Variants in XXYLT1 observed in about 807,000 individuals in gnomAD.
The protein encoded by XXYLT1 is UDP-xylose:alpha-xyloside alpha-1,3-xylosyltransferase.
A neutral mutation model predicts 28.9 loss-of-function variants in XXYLT1; 20 were observed. That is an observed-to-expected ratio of 0.69 (90% CI 0.49 to 1.00). The LOEUF (loss-of-function observed/expected upper bound fraction) is 1.00, where lower values mean the gene tolerates loss of function less well. Ranked by LOEUF, XXYLT1 falls within the 50% of genes least tolerant of loss-of-function variation. XXYLT1 has a pLI of 0.00. For missense variants in XXYLT1, 542 were observed against 560.1 expected, an observed-to-expected ratio of 0.97 and a Z score of 0.33; for synonymous variants, 257 against 253.8, an observed-to-expected ratio of 1.01 and a Z score of -0.12.
rs924436373 is a variant in XXYLT1, at chr3:195,270,786, G to A, written c.273C>T (p.Gly91=). Residue 91 remains glycine, a synonymous_variant, in exon 1 of 4, where the codon GGC becomes GGT. Transcript: ENST00000310380. ...APGAKAKSLE[G]GGAGPVDYHL... is the part of the protein sequence containing the mutation. ...GGTAGTCCACCGGCCCGGCACCGCC[G>A]CCCTCCAAGCTCTTGGCCTTCGCGC... 5 of 1,566,212 alleles carry A rather than the reference G, an allele frequency of 3.2e-6. No homozygotes were observed. The highest frequency in any genetic ancestry group is 1.4e-5 in the African/African-American group (1 of 70,836).
At position 195,069,371 on chromosome 3, in the gene XXYLT1, G is replaced by A. The variant is rs2108632217; in HGVS notation, c.*344C>T. The A allele has an allele frequency of 7.5e-6, 2 of 264,962 alleles. No homozygotes were observed. Among genetic ancestry groups the A allele is most frequent in the East Asian group, 1.4e-4 (2 of 14,154 alleles). 16.4% of individuals were successfully genotyped at this position (264,962 alleles called of 1,614,324 possible). A position where few individuals can be genotyped will look rare whatever the true frequency, so the allele number is the denominator to read the frequency against. ...TTAAATTTATATTGGTCCAAAAAAG[G>A]CCGGGTCTAAAGGATTTCCATTCCT... On this transcript the variant is annotated 3_prime_UTR_variant, in exon 4 of 4. Coordinates refer to ENST00000310380, the MANE Select transcript of XXYLT1 (RefSeq NM_152531.5).
At chr3:195,080,273 GC>G (rs1420373500) in intron 3 of XXYLT1, among the ~76,000 whole-genome samples, 1 of 152,206 alleles carries the variant, frequency 6.6e-6, no homozygotes, top group Non-Finnish European at 1.5e-5. Flanking sequence ...ACCTGGGGAT[GC>G]CCACAGCCCT....
At chr3:195,099,830 C>CAAAAAAAAAAAAAAAAA (rs35428286) in intron 3 of XXYLT1, among the ~76,000 whole-genome samples, 2 of 97,228 alleles carry the variant, frequency 2.1e-5, no homozygotes, top group African/African-American at 6.9e-5. Context: ...GACTCTGTCT[C>CAAAAAAAAAAAAAAAAA]AAAAAAAAAA....
In XXYLT1 at chr3:195,070,022, AC is replaced by A. The variant is rs1289506094; in HGVS notation, c.874del (p.Val292Ter). 1 of 1,602,952 alleles carries A rather than the reference AC, an allele frequency of 6.2e-7. No homozygotes were observed. Among genetic ancestry groups the A allele is most frequent in the Non-Finnish European group, 8.5e-7 (1 of 1,179,574 alleles). On this transcript the variant is annotated frameshift_variant, in exon 4 of 4. Transcript: ENST00000310380. LOFTEE classifies it high-confidence loss of function. ...CATGGCCTCCAGGTTCAGCAACATCACCCCGCTGTTGAAGCCCGGCAGCCCC... is the reference window on the plus strand; with the variant it reads ...CATGGCCTCCAGGTTCAGCAACATCACCCGCTGTTGAAGCCCGGCAGCCCC... ...PEGLPGFNSGVMLLNLEAMRQ... is the reference protein window; with the variant it reads ...PEGLPGFNSGXMLLNLEAMRQ...
At chr3:195,204,542 A>G (rs1722993641) in intron 2 of XXYLT1, among the ~76,000 whole-genome samples, 3 of 150,438 alleles carry the variant, frequency 2.0e-5, no homozygotes, top group African/African-American at 7.4e-5. Context: ...ACTGCTGGCC[A>G]GCCAGCCAGC....
At position 195,069,181 on chromosome 3, in the gene XXYLT1, C is replaced by G. The variant is rs74352252; in HGVS notation, c.*534G>C. Reference sequence around the variant, plus strand: ...CGTGAGCATCAGGAGAATGCGCGTGCAGCAGCCTCCCAGGGTGAGTATGTG... The same window carrying G: ...CGTGAGCATCAGGAGAATGCGCGTGGAGCAGCCTCCCAGGGTGAGTATGTG... On this transcript the variant is annotated 3_prime_UTR_variant, in exon 4 of 4. Transcript: ENST00000310380. The G allele has an allele frequency of 6.5e-6, 1 of 153,858 alleles. No individual in the cohort carries two copies. Among genetic ancestry groups the G allele is most frequent in the Non-Finnish European group, 1.4e-5 (1 of 69,130 alleles). 9.5% of individuals were successfully genotyped at this position (153,858 alleles called of 1,614,324 possible). A position where few individuals can be genotyped will look rare whatever the true frequency, so the allele number is the denominator to read the frequency against.
At chr3:195,071,997 C>T (rs1240639975) in intron 3 of XXYLT1, among the ~76,000 whole-genome samples, 1 of 151,346 alleles carries the variant, frequency 6.6e-6, no homozygotes. Context: ...ACGGAGCCCA[C>T]GTGTCCATCT....
At chr3:195,229,393 C>A (rs140747000) in intron 1 of XXYLT1, among the ~76,000 whole-genome samples, 1 of 152,148 alleles carries the variant, frequency 6.6e-6, no homozygotes, top group Non-Finnish European at 1.5e-5. Context: ...GTGTTACAAA[C>A]AATCCAATTA....
At chr3:195,250,844 T>C (rs1469388902) in intron 1 of XXYLT1, among the ~76,000 whole-genome samples, 1 of 152,212 alleles carries the variant, frequency 6.6e-6, no homozygotes. Context: ...TGTTCATTGA[T>C]ACACCCAAGT....
At chr3:195,090,774 C>T (rs1225933737) in intron 3 of XXYLT1, among the ~76,000 whole-genome samples, 1 of 145,568 alleles carries the variant, frequency 6.9e-6, no homozygotes, top group Non-Finnish European at 1.5e-5. Context: ...ATTGATAGAC[C>T]ACTAGCAAGA....
chr3:195,171,250 T>C (rs930379443), intron 2 of XXYLT1, among the ~76,000 whole-genome samples: 3 of 152,200 alleles, frequency 2.0e-5, no homozygotes, highest in Admixed American at 2.0e-4. Flanking sequence ...GCCTAAGTTC[T>C]CCTGGCAGCC....
chr3:195,262,289 TA>T (rs1283479337), intron 1 of XXYLT1, among the ~76,000 whole-genome samples: 1 of 152,228 alleles, frequency 6.6e-6, no homozygotes, highest in Non-Finnish European at 1.5e-5. Flanking sequence ...GACACATTTA[TA>T]CAGAGAGCAA....
intron 3 of XXYLT1, among the ~76,000 whole-genome samples, chr3:195,101,530 G>T (rs1019693966): frequency 1.3e-5 from 2 of 152,118 alleles, no homozygotes; most frequent in Non-Finnish European, 2.9e-5. Context: ...CATTCCTTTT[G>T]TATACTACAT....
chr3:195,241,444 C>T (rs1724770703), intron 1 of XXYLT1, among the ~76,000 whole-genome samples: 1 of 152,170 alleles, frequency 6.6e-6, no homozygotes, highest in Admixed American at 6.5e-5. Flanking sequence ...GCTACACTAC[C>T]TATTGATCTC....
At chr3:195,088,531 A>G (rs1193757891) in intron 3 of XXYLT1, among the ~76,000 whole-genome samples, 2 of 128,102 alleles carry the variant, frequency 1.6e-5, no homozygotes, top group Admixed American at 1.7e-4. Context: ...TCTGTACATC[A>G]CCATCATCAA....
intron 1 of XXYLT1, among the ~76,000 whole-genome samples, chr3:195,262,500 CA>C (rs11287274): frequency 0.8 from 121,992 of 151,802 alleles, 49,180 homozygotes; most frequent in East Asian, 0.95. Context: ...ATTTTTGTTG[CA>C]AAAAAAAAGT....
intron 2 of XXYLT1, among the ~76,000 whole-genome samples, chr3:195,181,939 TAC>T: frequency 6.6e-6 from 1 of 152,218 alleles, no homozygotes; most frequent in Non-Finnish European, 1.5e-5. Context: ...AATATGCTAC[TAC>T]AAACACACTT....
At chr3:195,190,661 T>A (rs1461560455) in intron 2 of XXYLT1, among the ~76,000 whole-genome samples, 1 of 152,094 alleles carries the variant, frequency 6.6e-6, no homozygotes, top group Non-Finnish European at 1.5e-5. Flanking sequence ...CTTAACTTTT[T>A]AAAAAGATGT....
At chr3:195,204,525 A>T (rs2108769842) in intron 2 of XXYLT1, among the ~76,000 whole-genome samples, 1 of 147,930 alleles carries the variant, frequency 6.8e-6, no homozygotes, top group South Asian at 2.1e-4. Flanking sequence ...TTCGTGTTCC[A>T]GTCTGAACTG....
Sources: allele counts gnomAD v4.1 joint callset (sites outside exome capture counted in the v4.1 genomes callset), GRCh38; gene constraint gnomAD v4.1.1; transcripts MANE v1.5; gene names NCBI Gene and HGNC (gene_info 2026-07-23, HGNC 2026-07-21).